Variants in XKR9 observed in about 807,000 individuals in gnomAD.
XKR9 encodes the protein XK related 9, also known as XK-related protein 9.
A neutral mutation model predicts 32.0 loss-of-function variants in XKR9; 32 were observed. The ratio of observed to expected loss-of-function variants is 1.00; its 90% CI spans 0.76 to 1.34. XKR9 has a LOEUF of 1.34. XKR9 is among the 40% of genes most tolerant of loss of function. The probability of loss-of-function intolerance (pLI) is 0.00; values close to 1 mark genes in which losing one functional copy is unlikely to be tolerated. For synonymous variants in XKR9, 168 were observed against 143.4 expected (o/e 1.17, Z -1.22); for missense variants, 546 against 429.7 (o/e 1.27, Z -2.39).
the XKR9 span, among the ~76,000 whole-genome samples, chr8:70,952,807 C>G: frequency 4.6e-5 from 7 of 152,340 alleles, no homozygotes; most frequent in Non-Finnish European, 7.3e-5. Context: ...GAGCTGTGCT[C>G]AAGAGCTGTA....
At chr8:71,028,000 C>T in the XKR9 span, among the ~76,000 whole-genome samples, 15 of 152,066 alleles carry the variant, frequency 9.9e-5, no homozygotes, top group African/African-American at 2.7e-4. Flanking sequence ...TGTCAAACTT[C>T]GGGGTTCAAG....
the XKR9 span, among the ~76,000 whole-genome samples, chr8:70,832,876 G>A: frequency 1.3e-5 from 2 of 152,068 alleles, no homozygotes; most frequent in African/African-American, 2.4e-5. Context: ...TAAGCCCCAC[G>A]AGGAGAAGAC....
the XKR9 span, among the ~76,000 whole-genome samples, chr8:70,995,775 T>C: frequency 6.6e-6 from 1 of 152,210 alleles, no homozygotes; most frequent in South Asian, 2.1e-4. Context: ...CCCAGTCTCC[T>C]GTGAATATGC....
At chr8:70,862,543 T>C in the XKR9 span, among the ~76,000 whole-genome samples, 2 of 125,460 alleles carry the variant, frequency 1.6e-5, no homozygotes, top group Non-Finnish European at 3.3e-5. Context: ...AAAACACATA[T>C]TATACTTAAC....
chr8:70,873,362 C>T, the XKR9 span, among the ~76,000 whole-genome samples: 1 of 152,254 alleles, frequency 6.6e-6, no homozygotes, highest in Admixed American at 6.5e-5. Flanking sequence ...CGAGTAAGTC[C>T]TGTGATGGAC....
chr8:70,786,138 T>C (rs1807686026), intron 2 of XKR9, among the ~76,000 whole-genome samples: 1 of 152,218 alleles, frequency 6.6e-6, no homozygotes, highest in Non-Finnish European at 1.5e-5. Flanking sequence ...TTGGAAAAAC[T>C]ACTTGATATA....
chr8:70,879,224 C>A, the XKR9 span, among the ~76,000 whole-genome samples: 3 of 151,976 alleles, frequency 2.0e-5, no homozygotes, highest in African/African-American at 7.3e-5. Flanking sequence ...AAAATTGACA[C>A]CTTAATATCA....
the XKR9 span, among the ~76,000 whole-genome samples, chr8:70,977,103 C>G: frequency 6.6e-6 from 1 of 152,188 alleles, no homozygotes; most frequent in Non-Finnish European, 1.5e-5. Context: ...TTTGATTCTT[C>G]TCTTTTTCTT....
At chr8:70,997,790 C>G in the XKR9 span, among the ~76,000 whole-genome samples, 2 of 152,098 alleles carry the variant, frequency 1.3e-5, no homozygotes, top group African/African-American at 4.8e-5. Flanking sequence ...AGTAGTCTGT[C>G]TTTTACTATA....
chr8:70,799,029 C>T, the XKR9 span, among the ~76,000 whole-genome samples: 1 of 152,054 alleles, frequency 6.6e-6, no homozygotes, highest in Non-Finnish European at 1.5e-5. Context: ...CTTGGCTGTT[C>T]AAGCTTTTTT....
At chr8:70,815,509 T>TTTTATTTATTTATTTATTTATTTA in the XKR9 span, among the ~76,000 whole-genome samples, 118 of 141,830 alleles carry the variant, frequency 8.3e-4, 1 homozygote, top group African/African-American at 1.9e-3. Context: ...CATTCCTTTA[T>TTTTATTTATTTATTTATTTATTTA]TTTATTTATT....
At chr8:70,872,417 T>C in the XKR9 span, among the ~76,000 whole-genome samples, 1 of 152,182 alleles carries the variant, frequency 6.6e-6, no homozygotes, top group African/African-American at 2.4e-5. Context: ...GCCATTTCCA[T>C]TACATCAAAG....
chr8:70,857,234 A>C, the XKR9 span, among the ~76,000 whole-genome samples: 1 of 152,188 alleles, frequency 6.6e-6, no homozygotes, highest in Non-Finnish European at 1.5e-5. Context: ...TAGCAAGACT[A>C]ATAAAGAAGA....
At chr8:70,904,219 TA>T in the XKR9 span, among the ~76,000 whole-genome samples, 1 of 152,170 alleles carries the variant, frequency 6.6e-6, no homozygotes, top group Non-Finnish European at 1.5e-5. Context: ...AGTGGGGTGT[TA>T]AAGTCTCCCA....
At chr8:70,762,861 T>A (rs369413807) in intron 2 of XKR9, among the ~76,000 whole-genome samples, 2 of 152,302 alleles carry the variant, frequency 1.3e-5, no homozygotes, top group African/African-American at 4.8e-5. Context: ...TAAAACTCAA[T>A]GAGCTTTATT....
the XKR9 span, among the ~76,000 whole-genome samples, chr8:70,850,449 G>A: frequency 2.6e-5 from 3 of 116,816 alleles, no homozygotes; most frequent in Non-Finnish European, 4.9e-5. Flanking sequence ...TGGTGACACA[G>A]CAAGACTCCT....
At chr8:70,748,047 T>C (rs1238590240) in intron 2 of XKR9, among the ~76,000 whole-genome samples, 1 of 152,206 alleles carries the variant, frequency 6.6e-6, no homozygotes, top group Non-Finnish European at 1.5e-5. Context: ...GATGTTGTTA[T>C]TATATCTTTG....
At chr8:70,757,998 G>A (rs1400977022) in intron 2 of XKR9, among the ~76,000 whole-genome samples, 1 of 152,168 alleles carries the variant, frequency 6.6e-6, no homozygotes, top group Non-Finnish European at 1.5e-5. Context: ...GCCAGAGAAT[G>A]TATCCTACTT....
chr8:70,959,482 C>T, the XKR9 span, among the ~76,000 whole-genome samples: 2 of 152,018 alleles, frequency 1.3e-5, no homozygotes, highest in African/African-American at 2.4e-5. Flanking sequence ...ATTGTTTTTA[C>T]TTTTGGTTAG....
Sources: gnomAD v4.1 joint callset for allele counts (sites outside exome capture counted in the v4.1 genomes callset) on GRCh38, gnomAD v4.1.1 for gene constraint, MANE v1.5 for transcripts, NCBI Gene and HGNC (gene_info 2026-07-23, HGNC 2026-07-21) for gene names.